Variants in SLC4A5 observed in about 807,000 individuals in gnomAD.
The protein encoded by SLC4A5 is solute carrier family 4 member 5.
Under a neutral mutation model 120.4 loss-of-function variants are expected in SLC4A5, and 96 were observed. The ratio of observed to expected loss-of-function variants is 0.80; its 90% confidence interval spans 0.68 to 0.94. The LOEUF (loss-of-function observed/expected upper bound fraction) is 0.94. Ranked by LOEUF, SLC4A5 falls within the 40% of genes least tolerant of loss-of-function variation. The pLI is 0.00. For synonymous variants in SLC4A5, 550 were observed against 571.1 expected (o/e 0.96, Z 0.53); for missense variants, 1,259 against 1,459.5 (o/e 0.86, Z 2.24).
intron 8 of SLC4A5, among the ~76,000 whole-genome samples, chr2:74,279,888 T>C (rs1234171524): frequency 6.6e-6 from 1 of 152,154 alleles, no homozygotes; most frequent in Non-Finnish European, 1.5e-5. Flanking sequence ...ATTGTACCTT[T>C]TAAATTTTGT....
rs1279551737 is a variant in SLC4A5, at chr2:74,292,006, A to AG, written c.272-6105_272-6104insC. Among the ~76,000 whole-genome samples the AG allele has an allele frequency of 2.0e-5, 3 of 152,240 alleles. No individual in the cohort carries two copies. In the East Asian group the frequency reaches 5.8e-4, roughly 29 times the overall value. On this transcript the variant is annotated intron_variant, in intron 7 of 30. Transcript: ENST00000394019. ...TTCATGTGGTGTTTTAAGAGCCCAG[A>AG]CCTGGGCTCAACTCCAGACTCTGCT...
chr2:74,280,243 C>T (rs958880700), intron 8 of SLC4A5, among the ~76,000 whole-genome samples: 1 of 152,116 alleles, frequency 6.6e-6, no homozygotes, highest in African/African-American at 2.4e-5. Context: ...CCTTCCCTAC[C>T]CTCTCCTGGC....
chr2:74,318,410 C>T (rs1007417094), intron 5 of SLC4A5, among the ~76,000 whole-genome samples: 5 of 152,132 alleles, frequency 3.3e-5, no homozygotes, highest in Non-Finnish European at 7.4e-5. Context: ...CTAGGCCTGG[C>T]GAGGTGGCTC....
chr2:74,280,825 C>T (rs546045765), intron 8 of SLC4A5, among the ~76,000 whole-genome samples: 90 of 152,198 alleles, frequency 5.9e-4, no homozygotes, highest in African/African-American at 2.1e-3. Flanking sequence ...GCTGGTATTA[C>T]AGGCACCCAC....
chr2:74,235,167 C>T lies in SLC4A5; in HGVS notation c.2367G>A (p.Met789Ile), dbSNP rs1670230172. The T allele has an allele frequency of 1.9e-6, 3 of 1,614,140 alleles. No homozygotes were observed. Among genetic ancestry groups the T allele is most frequent in the Non-Finnish European group, 2.5e-6 (3 of 1,180,018 alleles). ...CAAAACAGGCATCGATTCCACAGAA[C>T]ATCAGGATGGAGAAAACAATGGAAA... The change falls in exon 22 of 31, where the codon ATG becomes ATA. Residue 789 changes from methionine to isoleucine, a missense_variant. Met to Ile is a conservative substitution (Grantham distance 10). Transcript: ENST00000394019.
intron 6 of SLC4A5, chr2:74,307,958 G>A (rs1222280729): frequency 3.8e-5 from 21 of 550,286 alleles, no homozygotes; most frequent in Non-Finnish European, 6.7e-5. Context: ...GCTGGACAGA[G>A]CCCAGGGACC....
At chr2:74,259,488 T>A in intron 12 of SLC4A5, 100 bp downstream of exon 12, 1 of 1,311,162 alleles carries the variant, frequency 7.6e-7, no homozygotes, top group African/African-American at 1.5e-5. Flanking sequence ...CACTCCTTTG[T>A]AGGAGTGGAA....
chr2:74,277,571 A>AT (rs947339438), intron 8 of SLC4A5, among the ~76,000 whole-genome samples: 34 of 152,304 alleles, frequency 2.2e-4, no homozygotes, highest in African/African-American at 7.9e-4. Flanking sequence ...ATAAAAAAAA[A>AT]AATAAAGTAC....
chr2:74,262,384 A>G (rs1410858317), intron 10 of SLC4A5, 152 bp from the exon 11 acceptor site: 2 of 510,984 alleles, frequency 3.9e-6, no homozygotes, highest in Non-Finnish European at 6.7e-6. Flanking sequence ...TTTTTTTTTA[A>G]TTTAAGCAAG....
At chr2:74,284,572 C>T (rs1671921140) in intron 8 of SLC4A5, among the ~76,000 whole-genome samples, 1 of 152,160 alleles carries the variant, frequency 6.6e-6, no homozygotes, top group South Asian at 2.1e-4. Context: ...AGAGTGGCAT[C>T]ATGTAAAGAA....
chr2:74,319,284 G>C (rs1309019169), intron 5 of SLC4A5: 1 of 152,072 alleles, frequency 6.6e-6, no homozygotes, highest in Non-Finnish European at 1.5e-5. Context: ...CGGGTGATGA[G>C]TACACTAAAC....
chr2:74,291,745 C>T (rs763712601), intron 7 of SLC4A5, among the ~76,000 whole-genome samples: 41 of 152,218 alleles, frequency 2.7e-4, no homozygotes, highest in Non-Finnish European at 4.6e-4. Flanking sequence ...GTTGGGATTA[C>T]AGGTGTGAGC....
At position 74,252,996 on chromosome 2, in the gene SLC4A5, T is replaced by A; in HGVS notation, c.1246A>T (p.Lys416Ter). 1 of 1,614,164 alleles carries A rather than the reference T, an allele frequency of 6.2e-7. No homozygotes were observed. Among genetic ancestry groups the A allele is most frequent in the Middle Eastern group, 1.6e-4 (1 of 6,062 alleles). ...CACCTCTTGTCAGCAGAGGGCACCT[T>A]CTTGGGGGGCTCAATCCGGATATTT... The change falls in exon 15 of 31, where the codon AAG (lysine) becomes TAG (stop). Residue 416 changes from lysine to a stop codon, truncating the protein, a stop_gained. Coordinates refer to ENST00000394019, the Ensembl canonical transcript of SLC4A5. LOFTEE classifies it high-confidence loss of function.
chr2:74,294,737 T>A (rs985347963), intron 7 of SLC4A5, among the ~76,000 whole-genome samples: 3 of 151,386 alleles, frequency 2.0e-5, no homozygotes, highest in African/African-American at 7.3e-5. Flanking sequence ...ACTGACGCAA[T>A]CTCAGCTAAC....
At chr2:74,327,066 T>C (rs1673234723) in intron 5 of SLC4A5, among the ~76,000 whole-genome samples, 1 of 152,238 alleles carries the variant, frequency 6.6e-6, no homozygotes, top group South Asian at 2.1e-4. Flanking sequence ...GTATCCACTT[T>C]GTTCCAGATA....
chr2:74,309,230 T>A (rs1672736574), intron 6 of SLC4A5, among the ~76,000 whole-genome samples: 1 of 152,164 alleles, frequency 6.6e-6, no homozygotes, highest in Admixed American at 6.5e-5. Context: ...GGATTCATTT[T>A]TTTTTTTAAA....
Position 74,255,884 on chromosome 2 carries a change from TG to T in SLC4A5, c.915del (p.Asn306ThrfsTer10). 6.2e-7 allele frequency: 1 copy of T among 1,614,200 alleles called. No individual in the cohort carries two copies. Among genetic ancestry groups the T allele is most frequent in the Non-Finnish European group, 8.5e-7 (1 of 1,180,024 alleles). ...AAGTCCACCTCGCCCACGAGCACGT[TG>T]GACGCTTCTGAGTCCTTGGGGATCT... On this transcript the variant is annotated frameshift_variant, in exon 13 of 31. Coordinates refer to ENST00000394019, the Ensembl canonical transcript of SLC4A5. LOFTEE classifies it high-confidence loss of function. The surrounding 1 kb of genome is among the most constrained non-coding windows in gnomAD (Gnocchi z 4.0).
rs144647260 is a variant in SLC4A5, at chr2:74,300,905, T to C, written c.271+3584A>G. On this transcript the variant is annotated intron_variant, in intron 7 of 30. Coordinates refer to ENST00000394019, the Ensembl canonical transcript of SLC4A5. Reference sequence around the variant, plus strand: ...GTGGGAATGAGGACCAGCAGTTACTTGGGCCTCAACTAGAGTTAAAGCAGG... The same window carrying C: ...GTGGGAATGAGGACCAGCAGTTACTCGGGCCTCAACTAGAGTTAAAGCAGG... Among the ~76,000 whole-genome samples the C allele has an allele frequency of 7.8e-3, 1,188 of 152,288 alleles. 23 individuals are homozygous for C. The highest frequency in any genetic ancestry group is 0.026 in the African/African-American group (1,063 of 41,552).
chr2:74,266,864 T>A (rs182949199), intron 8 of SLC4A5, among the ~76,000 whole-genome samples: 1 of 152,164 alleles, frequency 6.6e-6, no homozygotes, highest in Admixed American at 6.5e-5. Context: ...AACTTCTATA[T>A]AGTAAAATAA....
Sources: allele counts gnomAD v4.1 joint callset (sites outside exome capture counted in the v4.1 genomes callset), GRCh38; gene constraint gnomAD v4.1.1; non-coding constraint Gnocchi (gnomAD v3.1); transcripts MANE v1.5; gene names NCBI Gene and HGNC (gene_info 2026-07-23, HGNC 2026-07-21).